The following CAPN2 variants were observed in gnomAD, a reference collection of about 807,000 sequenced individuals.
CAPN2 encodes calpain 2.
In CAPN2, 92 loss-of-function variants were observed where a neutral mutation model predicts 102.3. That is an observed-to-expected ratio of 0.90 (90% CI 0.76 to 1.07). CAPN2 has a LOEUF of 1.07. Ranked by LOEUF, CAPN2 falls within the 50% of genes least tolerant of loss-of-function variation. The pLI is 0.00. For missense variants in CAPN2, 800 were observed against 909.4 expected (o/e 0.88, Z 1.55); for synonymous variants, 340 against 355.4 (o/e 0.96, Z 0.49).
At chr1:223,714,344 A>C (rs1361909232) in intron 1 of CAPN2, among the ~76,000 whole-genome samples, 1 of 152,162 alleles carries the variant, frequency 6.6e-6, no homozygotes, top group Non-Finnish European at 1.5e-5. Context: ...CACTCATTTG[A>C]CAACACTGAT....
intron 12 of CAPN2, among the ~76,000 whole-genome samples, chr1:223,760,548 G>A (rs958883048): frequency 6.6e-6 from 1 of 152,234 alleles, no homozygotes; most frequent in Non-Finnish European, 1.5e-5. Flanking sequence ...TACCATGGGG[G>A]AAGGGACCTT....
chr1:223,728,544 A>T (rs1043316894), intron 2 of CAPN2, among the ~76,000 whole-genome samples: 2 of 152,240 alleles, frequency 1.3e-5, no homozygotes, highest in Non-Finnish European at 2.9e-5. Context: ...GAGAAGGGAC[A>T]TGGAGCCCAC....
chr1:223,742,512 ATATATATTT>A (rs1244136715), intron 2 of CAPN2, among the ~76,000 whole-genome samples: 1 of 113,380 alleles, frequency 8.8e-6, no homozygotes, highest in African/African-American at 3.8e-5. Context: ...ATATATATAT[ATATATATTT>A]TTTTTTTTTT....
chr1:223,712,354 C>T, upstream of CAPN2: 1 of 772,010 alleles, frequency 1.3e-6, no homozygotes, highest in Non-Finnish European at 1.6e-6. Flanking sequence ...CGGGCCGCGC[C>T]ATCCCGGGAG....
At position 223,759,026 on chromosome 1, in the gene CAPN2, G is replaced by T. The variant is rs897599995; in HGVS notation, c.1318-244G>T. 3 of 532,506 alleles carry T rather than the reference G, an allele frequency of 5.6e-6. No individual in the cohort carries two copies. The highest frequency in any genetic ancestry group is 1.0e-5 in the Non-Finnish European group (3 of 295,212). 33.0% of individuals were successfully genotyped at this position (532,506 alleles called of 1,614,324 possible). A position where few individuals can be genotyped will look rare whatever the true frequency, so the allele number is the denominator to read the frequency against. On this transcript the variant is annotated intron_variant, in intron 11 of 20. Coordinates refer to ENST00000295006, the MANE Select transcript of CAPN2 (RefSeq NM_001748.5). This position sits in a 1 kb window ranked among gnomAD's most constrained non-coding sequence, Gnocchi z 4.6. ...TTTTATCTAAAATGACCCAGGCATT[G>T]TCACTGTACTGCTATTTTTTTAAAA...
rs1406266682 is a variant in CAPN2, at chr1:223,723,022, A to G, written c.307+5191A>G. Among the ~76,000 whole-genome samples the G allele has an allele frequency of 3.9e-5, 6 of 152,066 alleles. No homozygotes were observed. In the South Asian group the frequency reaches 8.3e-4, roughly 21 times the overall value. On this transcript the variant is annotated intron_variant, in intron 2 of 20. Coordinates refer to ENST00000295006, the MANE Select transcript of CAPN2 (RefSeq NM_001748.5). ...ATTTTGTAAGATGCCTGTCTATTGG[A>G]ATTTGTGGTGCCTTTTTAATAAGTA...
chr1:223,766,276 C>A, intron 15 of CAPN2, 91 bp from the exon 16 acceptor site: 1 of 939,326 alleles, frequency 1.1e-6, no homozygotes, highest in Non-Finnish European at 1.7e-6. Context: ...ATGTGAAGGG[C>A]ACAGATAAAG....
chr1:223,749,172 C>G, intron 6 of CAPN2, 50 bp downstream of exon 6: 1 of 1,507,108 alleles, frequency 6.6e-7, no homozygotes, highest in East Asian at 2.3e-5. Context: ...GACACGATGG[C>G]CACAGGCACA....
At chr1:223,728,655 T>C (rs1239631471) in intron 2 of CAPN2, among the ~76,000 whole-genome samples, 1 of 152,216 alleles carries the variant, frequency 6.6e-6, no homozygotes, top group East Asian at 1.9e-4. Flanking sequence ...CTTTGAATAA[T>C]GGCCTTCTTG....
In CAPN2 at chr1:223,755,548, G is replaced by C. The variant is rs1353599012; in HGVS notation, c.1204G>C (p.Glu402Gln). The C allele has an allele frequency of 6.2e-7, 1 of 1,614,116 alleles. No individual in the cohort carries two copies. Among genetic ancestry groups the C allele is most frequent in the African/African-American group, 1.3e-5 (1 of 75,060 alleles). The change falls in exon 10 of 21, where the codon GAG becomes CAG. Residue 402 changes from glutamate (E) to glutamine (Q), a missense_variant. By Grantham distance (29) the Glu-to-Gln change is conservative. Coordinates refer to ENST00000295006, the MANE Select transcript of CAPN2 (RefSeq NM_001748.5). The surrounding 1 kb of genome is among the most constrained non-coding windows in gnomAD (Gnocchi z 4.1). ...EEEDEDEEDG[E>Q]SGCTFLVGLI... ...GGAGGATGAGGACGAGGAGGATGGG[G>C]AGAGCGGCTGCACCTTCCTGGTGGG...
intron 15 of CAPN2, among the ~76,000 whole-genome samples, chr1:223,765,722 T>TG (rs543877226): frequency 8.4e-4 from 128 of 152,336 alleles, no homozygotes; most frequent in African/African-American, 3.0e-3. Context: ...AAGGGGTTGG[T>TG]GCCCAGAGTG....
rs555894884 is a variant in CAPN2 at position 223,757,591 on chromosome 1, G to A, written c.1317+211G>A. The A allele has an allele frequency of 1.7e-4, 99 of 570,552 alleles. No individual in the cohort carries two copies. In the East Asian group the frequency reaches 2.4e-3, roughly 14 times the overall value. 35.3% of individuals were successfully genotyped at this position (570,552 alleles called of 1,614,324 possible). Reference sequence around the variant, plus strand: ...CAAGGTTTCTGGAAAGTCCTTGTGGGACCCGCTGCCTCCCTGTGACCTGGC... The same window carrying A: ...CAAGGTTTCTGGAAAGTCCTTGTGGAACCCGCTGCCTCCCTGTGACCTGGC... On this transcript the variant is annotated intron_variant, in intron 11 of 20. Transcript: ENST00000295006.
chr1:223,706,075 C>A (rs1159734725), intron 1 of CAPN2, among the ~76,000 whole-genome samples: 5 of 152,220 alleles, frequency 3.3e-5, no homozygotes, highest in African/African-American at 4.8e-5. Flanking sequence ...TGAGGGGCAG[C>A]AGCTTCGGCT....
chr1:223,753,482 C>T (rs4653775), intron 9 of CAPN2, among the ~76,000 whole-genome samples: 1 of 152,164 alleles, frequency 6.6e-6, no homozygotes. Context: ...TCTGGTCCAG[C>T]CTTTGTTGAG....
intron 2 of CAPN2, among the ~76,000 whole-genome samples, chr1:223,723,408 A>G (rs1660106016): frequency 6.6e-6 from 1 of 152,188 alleles, no homozygotes; most frequent in Non-Finnish European, 1.5e-5. Context: ...TGATGGAGAA[A>G]GTAAATCCAT....
rs17599 is a variant in CAPN2, at chr1:223,766,378, A to C, written c.1702A>C (p.Lys568Gln). The C allele has an allele frequency of 0.24, 378,765 of 1,610,986 alleles. 45,884 individuals are homozygous for C. The highest frequency in any genetic ancestry group is 0.25 in the East Asian group (11,393 of 44,856). Residue 568 changes from lysine to glutamine, a missense_variant, in exon 16 of 21, where the codon AAG becomes CAG. Physicochemically the swap from Lys to Gln is moderately conservative, Grantham distance 53. Coordinates refer to ENST00000295006, the MANE Select transcript of CAPN2 (RefSeq NM_001748.5). ...ATTTTGTCTTTTAGGCCAAGATATC[A>C]AGTCAGATGGCTTCAGCATCGAGAC... ...RRVLAKRQDIKSDGFSIETCK... is the reference protein window; with the variant it reads ...RRVLAKRQDIQSDGFSIETCK...
chr1:223,703,659 T>G (rs1338348027), intron 1 of CAPN2, among the ~76,000 whole-genome samples: 1 of 152,228 alleles, frequency 6.6e-6, no homozygotes, highest in African/African-American at 2.4e-5. Flanking sequence ...AAGGCTTATG[T>G]TATGGGCTGA....
rs1379830047 is a variant in CAPN2 at position 223,756,156 on chromosome 1, C to T, written c.1305+507C>T. Among the ~76,000 whole-genome samples, 1 of 152,200 alleles carries T rather than the reference C, an allele frequency of 6.6e-6. No homozygotes were observed. On this transcript the variant is annotated intron_variant, in intron 10 of 20. Coordinates refer to ENST00000295006, the MANE Select transcript of CAPN2 (RefSeq NM_001748.5). This position sits in a 1 kb window ranked among gnomAD's most constrained non-coding sequence, Gnocchi z 4.1. ...TGGAGCCCAGATCCCTACACAGACTCCTGCTGTATGCGTGTTTTCCTTTCA... is the reference window on the plus strand; with the variant it reads ...TGGAGCCCAGATCCCTACACAGACTTCTGCTGTATGCGTGTTTTCCTTTCA...
chr1:223,734,658 T>A (rs939331727), intron 2 of CAPN2, among the ~76,000 whole-genome samples: 4 of 152,052 alleles, frequency 2.6e-5, no homozygotes, highest in African/African-American at 9.7e-5. Context: ...CCTGGCACCC[T>A]TTCGAGGACA....
Sources: allele counts gnomAD v4.1 joint callset (sites outside exome capture counted in the v4.1 genomes callset), GRCh38; gene constraint gnomAD v4.1.1; non-coding constraint Gnocchi (gnomAD v3.1); transcripts MANE v1.5; gene names NCBI Gene and HGNC (gene_info 2026-07-23, HGNC 2026-07-21).